The following PCDH15 variants were observed in gnomAD, a reference collection of about 807,000 sequenced individuals.
PCDH15 encodes protocadherin-15.
PCDH15 carries 129 observed loss-of-function variants against 178.5 expected under a neutral mutation model. That is an observed-to-expected ratio of 0.72 (90% CI 0.63 to 0.84). The LOEUF is 0.84. Ranked by LOEUF, PCDH15 falls within the 40% of genes least tolerant of loss-of-function variation. The pLI is 0.00. For synonymous variants in PCDH15, 800 were observed against 732.0 expected, an observed-to-expected ratio of 1.09 and a Z score of -1.50; for missense variants, 2,230 against 2,099.9, an observed-to-expected ratio of 1.06 and a Z score of -1.21.
intron 1 of PCDH15, among the ~76,000 whole-genome samples, chr10:55,284,847 A>T (rs974523716): frequency 1.2e-4 from 18 of 152,004 alleles, no homozygotes; most frequent in African/African-American, 4.1e-4. Flanking sequence ...GTGTATTTTT[A>T]GAACCATTAT....
At chr10:54,120,235 C>T (rs1355828275) in intron 15 of PCDH15, among the ~76,000 whole-genome samples, 3 of 152,150 alleles carry the variant, frequency 2.0e-5, no homozygotes, top group Non-Finnish European at 4.4e-5. Context: ...TTTGTTACCA[C>T]TAGAAAGCCT....
chr10:55,397,701 T>TCA (rs1219313817), intron 2 of PCDH15, among the ~76,000 whole-genome samples: 1 of 152,136 alleles, frequency 6.6e-6, no homozygotes, highest in East Asian at 1.9e-4. Flanking sequence ...TTCTCCTGCC[T>TCA]CAGCCTCCTG....
intron 2 of PCDH15, among the ~76,000 whole-genome samples, chr10:54,991,410 C>T (rs928011258): frequency 1.3e-5 from 2 of 151,990 alleles, no homozygotes; most frequent in Non-Finnish European, 2.9e-5. Flanking sequence ...AAAAGCTGGG[C>T]ATGTATACTG....
At chr10:54,970,305 T>A (rs141839569) in intron 2 of PCDH15, among the ~76,000 whole-genome samples, 46 of 152,308 alleles carry the variant, frequency 3.0e-4, no homozygotes, top group African/African-American at 9.6e-4. Context: ...CATAAATTGG[T>A]ACCAAGAAGT....
rs1053527093 is a variant in PCDH15, at chr10:54,559,770, C to T, written c.92-31893G>A. Among the ~76,000 whole-genome samples, 11 of 144,178 alleles carry T rather than the reference C, an allele frequency of 7.6e-5. No homozygotes were observed. In the South Asian group the frequency reaches 9.0e-4, roughly 12 times the overall value. The allele number at this position is 144,178 out of a possible 152,430, so 94.6% of individuals were successfully genotyped here. A position where few individuals can be genotyped will look rare whatever the true frequency, so the allele number is the denominator to read the frequency against. On this transcript the variant is annotated intron_variant, in intron 2 of 37. Coordinates refer to ENST00000644397, the MANE Select transcript of PCDH15 (RefSeq NM_001384140.1). The stretch of plus-strand genomic sequence containing the variant: ...CATGCTTTAGACAGAATTAGCTTCT[C>T]ACTGTAGAGATGACTGGCTTAAATG...
intron 1 of PCDH15, among the ~76,000 whole-genome samples, chr10:55,258,130 T>C (rs1370490627): frequency 6.6e-6 from 1 of 152,182 alleles, no homozygotes; most frequent in Non-Finnish European, 1.5e-5. Flanking sequence ...AGATTTTTGC[T>C]TGGATTTAAT....
chr10:54,957,386 CT>C lies in PCDH15; in HGVS notation c.-79-59887del, dbSNP rs1247103092. 2.6e-5 allele frequency among the ~76,000 whole-genome samples: 4 copies of C among 151,680 alleles called. No individual in the cohort carries two copies. In the South Asian group the frequency reaches 6.2e-4, roughly 24 times the overall value. ...AGATTTGGAGAGCAAAATGCTTGAA[CT>C]TTTTCTTAAGTTCAATATGAAAGAC... On this transcript the variant is annotated intron_variant, in intron 2 of 5. Coordinates refer to the PCDH15 transcript ENST00000458638.
At position 54,521,069 on chromosome 10, in the gene PCDH15, G is replaced by C. The variant is rs1031399463; in HGVS notation, c.157+6743C>G. ...ACATTCTGGGGACTGTTGTGGGGTG[G>C]GGGGAGGGGGGAGGGATAGTATTAG... On this transcript the variant is annotated intron_variant, in intron 3 of 37. Transcript: ENST00000644397. 2.0e-4 allele frequency among the ~76,000 whole-genome samples: 24 copies of C among 117,842 alleles called. No individual in the cohort carries two copies. The Admixed American group carries it at 2.4e-3, about 12-fold the overall frequency. The allele number at this position is 117,842 out of a possible 152,430, so 77.3% of individuals were successfully genotyped here.
chr10:53,953,062 G>T (rs562766555), intron 23 of PCDH15, among the ~76,000 whole-genome samples: 13 of 152,358 alleles, frequency 8.5e-5, no homozygotes, highest in African/African-American at 3.1e-4. Flanking sequence ...CAACTCAGAA[G>T]TGGGTGGGGC....
chr10:54,447,662 A>T (rs1412990563), intron 3 of PCDH15, among the ~76,000 whole-genome samples: 1 of 151,742 alleles, frequency 6.6e-6, no homozygotes, highest in Non-Finnish European at 1.5e-5. Context: ...TTGAAACATA[A>T]CAGCTTATAA....
chr10:54,297,808 C>G (rs1172219261), intron 8 of PCDH15, among the ~76,000 whole-genome samples: 1 of 152,202 alleles, frequency 6.6e-6, no homozygotes, highest in Non-Finnish European at 1.5e-5. Flanking sequence ...CCTACAGGGT[C>G]TAGGGCAAGC....
chr10:55,117,112 C>T (rs557914870), intron 2 of PCDH15, among the ~76,000 whole-genome samples: 1 of 152,270 alleles, frequency 6.6e-6, no homozygotes, highest in South Asian at 2.1e-4. Flanking sequence ...TCATGTAAAA[C>T]TTACACTAAA....
At chr10:55,400,244 C>T (rs1367684542) in intron 2 of PCDH15, among the ~76,000 whole-genome samples, 1 of 152,068 alleles carries the variant, frequency 6.6e-6, no homozygotes, top group African/African-American at 2.4e-5. Flanking sequence ...CTACAGCTTG[C>T]TTTGCTCTGG....
intron 15 of PCDH15, among the ~76,000 whole-genome samples, chr10:54,131,773 A>G (rs572136429): frequency 2.2e-4 from 34 of 152,174 alleles, no homozygotes; most frequent in Non-Finnish European, 4.1e-4. Context: ...AACTCAATCA[A>G]CTGATTTTAA....
Position 54,568,357 on chromosome 10 carries a change from A to G in PCDH15, c.92-40480T>C, listed in dbSNP as rs2089329402. Among the ~76,000 whole-genome samples, 4 of 151,910 alleles carry G rather than the reference A, an allele frequency of 2.6e-5. No individual in the cohort carries two copies. In the South Asian group the frequency reaches 8.3e-4, roughly 32 times the overall value. ...AAAATAGCCCACCACGCATTCCCTC[A>G]CATCTTATCCCCTCCCTTTTTGTAC... On this transcript the variant is annotated intron_variant, in intron 2 of 37. Transcript: ENST00000644397.
intron 2 of PCDH15, among the ~76,000 whole-genome samples, chr10:55,126,318 AT>A (rs1380965180): frequency 1.3e-5 from 2 of 152,130 alleles, no homozygotes; most frequent in Non-Finnish European, 2.9e-5. Context: ...TAGTCGGAAT[AT>A]TTATAAACCT....
At chr10:54,393,431 A>G (rs1195352810) in intron 3 of PCDH15, among the ~76,000 whole-genome samples, 1 of 152,214 alleles carries the variant, frequency 6.6e-6, no homozygotes, top group Non-Finnish European at 1.5e-5. Context: ...ATAGACTCAG[A>G]ATATGATAGT....
chr10:53,939,170 G>A (rs916721830), intron 24 of PCDH15, among the ~76,000 whole-genome samples: 1 of 151,968 alleles, frequency 6.6e-6, no homozygotes, highest in Non-Finnish European at 1.5e-5. Flanking sequence ...AAATTGTAGG[G>A]TTTTTTTGTT....
intron 26 of PCDH15, among the ~76,000 whole-genome samples, chr10:53,867,355 A>G (rs2079531766): frequency 6.6e-6 from 1 of 152,114 alleles, no homozygotes; most frequent in Non-Finnish European, 1.5e-5. Context: ...ACAATAGTAT[A>G]TAGTTCCAAA....
Sources: allele counts gnomAD v4.1 joint callset (sites outside exome capture counted in the v4.1 genomes callset), GRCh38; gene constraint gnomAD v4.1.1; transcripts MANE v1.5; gene names NCBI Gene and HGNC (gene_info 2026-07-23, HGNC 2026-07-21).